The following MYO1G variants were observed in gnomAD, a reference collection of about 807,000 sequenced individuals.
MYO1G encodes myosin IG, also known as unconventional myosin-Ig.
Under a neutral mutation model 115.3 loss-of-function variants are expected in MYO1G, and 65 were observed. The observed-to-expected ratio is 0.56, with a 90% CI of 0.46 to 0.69. The LOEUF (loss-of-function observed/expected upper bound fraction) is 0.69, where lower values mean the gene tolerates loss of function less well. Ranked by LOEUF, MYO1G falls within the 30% of genes least tolerant of loss-of-function variation. The probability of loss-of-function intolerance (pLI) is 0.00; values close to 1 mark genes in which losing one functional copy is unlikely to be tolerated. For synonymous variants in MYO1G, 510 were observed against 552.6 expected (o/e 0.92, Z 1.08); for missense variants, 1,204 against 1,393.5 (o/e 0.86, Z 2.16).
rs1794938679 is a variant in MYO1G at position 44,970,655 on chromosome 7, T to C, written c.1154A>G (p.Asp385Gly). The C allele has an allele frequency of 3.1e-6, 5 of 1,613,770 alleles. No homozygotes were observed. The highest frequency in any genetic ancestry group is 4.2e-6 in the Non-Finnish European group (5 of 1,180,042). ...MEPRGRDPRR[D>G]GKDTVIGVLD... is the part of the protein sequence containing the mutation. Reference sequence around the variant, plus strand: ...CACGCCAATGACTGTGTCCTTGCCATCACGCCGAGGATCCCGGCCCCGGGG... The same window carrying C: ...CACGCCAATGACTGTGTCCTTGCCACCACGCCGAGGATCCCGGCCCCGGGG... The change falls in exon 9 of 22, where the codon GAT becomes GGT. Residue 385 changes from aspartate to glycine, a missense_variant. By Grantham distance (94) the Asp-to-Gly change is moderately conservative (BLOSUM62 -1). Transcript: ENST00000258787.
intron 5 of MYO1G, 52 bp downstream of exon 5, chr7:44,975,122 C>A (rs1373240665): frequency 2.5e-6 from 4 of 1,580,322 alleles, no homozygotes; most frequent in Non-Finnish European, 3.5e-6. Context: ...CAGCTTGCTG[C>A]CCTCCCTTTC....
chr7:44,974,870 C>T (rs1259980043), intron 5 of MYO1G: 1 of 459,872 alleles, frequency 2.2e-6, no homozygotes, highest in Non-Finnish European at 4.0e-6. Context: ...AGGGGAAGCC[C>T]ACCTCGTGGG....
intron 2 of MYO1G, 59 bp from the exon 3 acceptor site, chr7:44,976,716 C>A: frequency 6.2e-7 from 1 of 1,605,576 alleles, no homozygotes; most frequent in African/African-American, 1.3e-5. Flanking sequence ...GCCCAGCTCC[C>A]TGTGCCCACT....
At chr7:44,968,479 G>A (rs1794891910) in intron 12 of MYO1G, 2 of 153,388 alleles carry the variant, frequency 1.3e-5, no homozygotes, top group Non-Finnish European at 2.9e-5. Flanking sequence ...TCCAACTGCA[G>A]CACCTATGAA....
chr7:44,972,240 C>A lies in MYO1G; in HGVS notation c.619-15G>T. ...CCTCTCAGCAACTAGAGGACACAGG[C>A]ATCCTTTAGACAAATAAGCTCCCAG... On this transcript the variant is annotated splice_polypyrimidine_tract_variant and intron_variant, in intron 5 of 21. Transcript: ENST00000258787. The A allele has an allele frequency of 6.3e-7, 1 of 1,596,694 alleles. No homozygotes were observed. Among genetic ancestry groups the A allele is most frequent in the Non-Finnish European group, 8.6e-7 (1 of 1,164,228 alleles).
intron 13 of MYO1G, 51 bp from the exon 14 acceptor site, chr7:44,967,788 C>T: frequency 1.2e-6 from 2 of 1,611,612 alleles, no homozygotes; most frequent in Non-Finnish European, 1.7e-6. Flanking sequence ...GCAGCCCCAC[C>T]CACCCACGTC....
chr7:44,966,724 C>A lies in MYO1G; in HGVS notation c.1897G>T (p.Val633Phe). Residue 633 changes from valine to phenylalanine, a missense_variant, in exon 15 of 22, where the codon GTC (valine) becomes TTC (phenylalanine). Physicochemically the swap from Val to Phe is conservative, Grantham distance 50. Transcript: ENST00000258787. The surrounding 1 kb of genome is among the most constrained non-coding windows in gnomAD (Gnocchi z 5.0). ...AYLGLLENVR[V>F]RRAGFASRQP... ...CGGGAAGCGAAGCCAGCCCTGCGGACCCTCACATTCTCCAGCAGCCCCAGG... is the reference window on the plus strand; with the variant it reads ...CGGGAAGCGAAGCCAGCCCTGCGGAACCTCACATTCTCCAGCAGCCCCAGG... 6.2e-7 allele frequency: 1 copy of A among 1,613,272 alleles called. No individual in the cohort carries two copies. Among genetic ancestry groups the A allele is most frequent in the Non-Finnish European group, 8.5e-7 (1 of 1,179,988 alleles).
intron 12 of MYO1G, chr7:44,968,863 T>G: frequency 6.2e-6 from 1 of 160,258 alleles, no homozygotes; most frequent in Non-Finnish European, 1.4e-5. Flanking sequence ...CATCATCTAT[T>G]CTATTCCCTC....
Position 44,965,010 on chromosome 7 carries a change from C to T in MYO1G, c.2461G>A (p.Ala821Thr), listed in dbSNP as rs1157193899. 3.7e-6 allele frequency: 6 copies of T among 1,611,030 alleles called. No individual in the cohort carries two copies. Among genetic ancestry groups the T allele is most frequent in the Non-Finnish European group, 5.1e-6 (6 of 1,178,342 alleles). The change falls in exon 18 of 22, where the codon GCC becomes ACC. Residue 821 changes from alanine to threonine, a missense_variant. Ala to Thr is a moderately conservative substitution (Grantham distance 58, BLOSUM62 0). Coordinates refer to ENST00000258787, the MANE Select transcript of MYO1G (RefSeq NM_033054.3). ...CAGTCCTGACGAAGCCCTTGCAGGGCCCCCATGGCGGCCACCTTGGCCTTG... is the reference window on the plus strand; with the variant it reads ...CAGTCCTGACGAAGCCCTTGCAGGGTCCCCATGGCGGCCACCTTGGCCTTG... ...QIKAKVAAMG[A>T]LQGLRQDWGC...
Position 44,978,950 on chromosome 7 carries a change from C to T in MYO1G, c.12G>A (p.Glu4=). 6.2e-7 allele frequency: 1 copy of T among 1,614,216 alleles called. No individual in the cohort carries two copies. Among genetic ancestry groups the T allele is most frequent in the South Asian group, 1.1e-5 (1 of 91,092 alleles). Residue 4 remains glutamate (E), a synonymous_variant, in exon 1 of 22, where the codon GAG becomes GAA. Transcript: ENST00000258787. Reference sequence around the variant, plus strand: ...CAGGTTTGCCATACTCAGGGCCTTCCTCGTCCTCCATCCTGCCGGCTGGAA... The same window carrying T: ...CAGGTTTGCCATACTCAGGGCCTTCTTCGTCCTCCATCCTGCCGGCTGGAA... MED[E]EGPEYGKPDF...
intron 5 of MYO1G, 156 bp downstream of exon 5, chr7:44,975,018 T>G: frequency 1.3e-6 from 1 of 754,770 alleles, no homozygotes; most frequent in Non-Finnish European, 2.4e-6. Flanking sequence ...CTGGTTGGGG[T>G]GAGTGTGGTG....
At chr7:44,972,343 G>T (rs1213326095) in intron 5 of MYO1G, 118 bp from the exon 6 acceptor site, 4 of 748,024 alleles carry the variant, frequency 5.3e-6, no homozygotes, top group South Asian at 1.6e-5. Context: ...GAACAAACGT[G>T]GGGGAAGGTC....
At position 44,965,774 on chromosome 7, in the gene MYO1G, C is replaced by T. The variant is rs1486178761; in HGVS notation, c.2244G>A (p.Val748=). ...TIMRWFRRHK[V]RAHLAELQRR... ...GCTGCAGCTCAGCCAGGTGAGCCCG[C>T]ACCTTGTGTCTCCGGAACCAGCGCA... Residue 748 remains valine, a synonymous_variant, in exon 17 of 22, where the codon GTG becomes GTA. Transcript: ENST00000258787. 5.0e-6 allele frequency: 8 copies of T among 1,607,602 alleles called. No individual in the cohort carries two copies. The South Asian group carries it at 7.7e-5, about 15-fold the overall frequency.
chr7:44,966,754 C>T lies in MYO1G; in HGVS notation c.1867G>A (p.Ala623Thr), dbSNP rs374130084. Residue 623 changes from alanine (A) to threonine (T), a missense_variant, in exon 15 of 22, where the codon GCA becomes ACA. Ala to Thr is a moderately conservative substitution (Grantham distance 58, BLOSUM62 0). Transcript: ENST00000258787. This position sits in a 1 kb window ranked among gnomAD's most constrained non-coding sequence, Gnocchi z 5.0. ...LDENHCRHQVAYLGLLENVRV... is the reference protein window; with the variant it reads ...LDENHCRHQVTYLGLLENVRV... The stretch of plus-strand genomic sequence containing the variant: ...ACATTCTCCAGCAGCCCCAGGTATG[C>T]GACCTGGTGGCGACAGTGGTTCTCA... The T allele has an allele frequency of 3.2e-5, 51 of 1,613,408 alleles. No homozygotes were observed. The highest frequency in any genetic ancestry group is 1.6e-4 in the Middle Eastern group (1 of 6,084).
Position 44,975,240 on chromosome 7 carries a change from G to A in MYO1G, c.565-13C>T, listed in dbSNP as rs1401891651. The A allele has an allele frequency of 6.2e-7, 1 of 1,613,860 alleles. No homozygotes were observed. Among genetic ancestry groups the A allele is most frequent in the African/African-American group, 1.3e-5 (1 of 74,904 alleles). ...TGAGGACCCGAGACTGAGGAGAGAG[G>A]GGCAGATGGACTCAGGCCTGGGAAG... On this transcript the variant is annotated splice_polypyrimidine_tract_variant and intron_variant, in intron 4 of 21. Coordinates refer to ENST00000258787, the MANE Select transcript of MYO1G (RefSeq NM_033054.3).
chr7:44,969,188 C>T lies in MYO1G; in HGVS notation c.1574+225G>A. 1 of 531,646 alleles carries T rather than the reference C, an allele frequency of 1.9e-6. No individual in the cohort carries two copies. The highest frequency in any genetic ancestry group is 3.4e-6 in the Non-Finnish European group (1 of 291,584). The allele number at this position is 531,646 out of a possible 1,614,324, so 32.9% of individuals were successfully genotyped here. ...GAGACGTGGGTATTTTTTAAAGGCT[C>T]CCAGAAGAATGCAGCCATGGTTAAC... is the stretch of plus-strand genomic sequence containing the variant. On this transcript the variant is annotated intron_variant, in intron 12 of 21. Transcript: ENST00000258787. This position sits in a 1 kb window ranked among gnomAD's most constrained non-coding sequence, Gnocchi z 5.0.
chr7:44,966,057 GC>G lies in MYO1G; in HGVS notation c.2157+15del. ...CCACCTCCATAGTGGATGTCTTCCT[GC>G]CCCGCCCACCTCACCTTCTGCAATA... On this transcript the variant is annotated intron_variant, in intron 16 of 21. Transcript: ENST00000258787. This position sits in a 1 kb window ranked among gnomAD's most constrained non-coding sequence, Gnocchi z 5.0. The G allele has an allele frequency of 6.2e-7, 1 of 1,608,512 alleles. No individual in the cohort carries two copies.
intron 1 of MYO1G, 116 bp from the exon 2 acceptor site, chr7:44,977,187 G>A (rs1393253556): frequency 6.4e-6 from 6 of 940,050 alleles, no homozygotes; most frequent in Non-Finnish European, 7.8e-6. Flanking sequence ...ACCCTGACGG[G>A]CTGAGAGTGG....
At chr7:44,977,168 A>T in intron 1 of MYO1G, 97 bp from the exon 2 acceptor site, 1 of 1,170,544 alleles carries the variant, frequency 8.5e-7, no homozygotes, top group Non-Finnish European at 1.2e-6. Flanking sequence ...CCAGTAGGCC[A>T]GCGCTCCCAC....
Sources: allele counts gnomAD v4.1 joint callset, GRCh38; gene constraint gnomAD v4.1.1; non-coding constraint Gnocchi (gnomAD v3.1); transcripts MANE v1.5; gene names NCBI Gene and HGNC (gene_info 2026-07-23, HGNC 2026-07-21).